The following ST7 variants were observed in gnomAD, a reference collection of about 807,000 sequenced individuals.
ST7 encodes suppression of tumorigenicity 7, also known as suppressor of tumorigenicity 7 protein.
In ST7, 28 loss-of-function variants were observed where a neutral mutation model predicts 78.7. That is an observed-to-expected ratio of 0.36 (90% CI 0.26 to 0.49). The LOEUF (loss-of-function observed/expected upper bound fraction) is 0.49, where lower values mean the gene tolerates loss of function less well. ST7 is among the 20% of genes least tolerant of loss of function. ST7 has a pLI of 0.99. For synonymous variants in ST7, 247 were observed against 249.6 expected (o/e 0.99, Z 0.10); for missense variants, 418 against 696.0 (o/e 0.60, Z 4.49).
chr7:117,071,517 T>A (rs1420649549), intron 1 of ST7, among the ~76,000 whole-genome samples: 1 of 152,246 alleles, frequency 6.6e-6, no homozygotes, highest in Non-Finnish European at 1.5e-5. Context: ...GTTTTTATTC[T>A]TCAAAGACAC....
chr7:117,020,752 T>A, intron 1 of ST7: 1 of 1,368,572 alleles, frequency 7.3e-7, no homozygotes, highest in Non-Finnish European at 1.0e-6. Flanking sequence ...TGGCTCTAAT[T>A]ACAAAGGAAT....
At chr7:117,051,299 A>C (rs910396224) in intron 1 of ST7, among the ~76,000 whole-genome samples, 2 of 152,220 alleles carry the variant, frequency 1.3e-5, no homozygotes, top group Admixed American at 1.3e-4. Context: ...ATCTAGGCTA[A>C]TTGGTCTCTT....
intron 1 of ST7, among the ~76,000 whole-genome samples, chr7:116,986,957 T>C (rs1213527457): frequency 6.6e-6 from 1 of 152,178 alleles, no homozygotes; most frequent in Non-Finnish European, 1.5e-5. Flanking sequence ...GGCCTTTAAG[T>C]GAGAATTCAT....
At position 117,193,849 on chromosome 7, in the gene ST7, C is replaced by G. The variant is rs555557560; in HGVS notation, c.1254+2913C>G. On this transcript the variant is annotated intron_variant, in intron 12 of 15. Transcript: ENST00000323984. The stretch of plus-strand genomic sequence containing the variant: ...GAGAAAAAAATACCAAATATAATAA[C>G]TGAGAACTGACTTCCTTGCATTTCC... Among the ~76,000 whole-genome samples, 6 of 152,342 alleles carry G rather than the reference C, an allele frequency of 3.9e-5. No individual in the cohort carries two copies. In the South Asian group the frequency reaches 1.2e-3, roughly 32 times the overall value.
chr7:117,081,534 T>A (rs1173745203), intron 1 of ST7, among the ~76,000 whole-genome samples: 2 of 152,234 alleles, frequency 1.3e-5, no homozygotes, highest in East Asian at 3.8e-4. Flanking sequence ...ATTTCATTCA[T>A]CTTTTTACTA....
Position 117,221,946 on chromosome 7 carries a change from C to G in ST7, c.1522C>G (p.Pro508Ala). 1.2e-6 allele frequency: 2 copies of G among 1,611,430 alleles called. No homozygotes were observed. The highest frequency in any genetic ancestry group is 1.7e-6 in the Non-Finnish European group (2 of 1,178,984). The change falls in exon 15 of 16, where the codon CCA becomes GCA. Residue 508 changes from proline to alanine, a missense_variant. This residue lies in a region of ST7 where 288 missense variants were observed against 537.1 expected (regional missense o/e 0.54). Coordinates refer to ENST00000323984, the MANE Select transcript of ST7 (RefSeq NM_001369598.1). The part of the protein sequence containing the change: ...LPSFHEVSVY[P>A]KKELPFFILF... ...AGCTTTCCATGAAGTCTCAGTTTAC[C>G]CAAAGAAGGAGCTTCCCTTCTTTAT... is the stretch of plus-strand genomic sequence containing the variant.
intron 9 of ST7, among the ~76,000 whole-genome samples, chr7:117,165,265 T>A (rs1470344852): frequency 2.6e-5 from 4 of 152,152 alleles, no homozygotes; most frequent in East Asian, 3.9e-4. Flanking sequence ...GTCCTTTCTT[T>A]AGTATCCCTA....
At chr7:117,079,708 A>G (rs892390685) in intron 1 of ST7, among the ~76,000 whole-genome samples, 3 of 152,202 alleles carry the variant, frequency 2.0e-5, no homozygotes, top group African/African-American at 7.2e-5. Context: ...TTACCAAAAT[A>G]AAACAAGTGT....
chr7:117,052,895 A>G (rs1249432415), intron 1 of ST7, among the ~76,000 whole-genome samples: 1 of 152,224 alleles, frequency 6.6e-6, no homozygotes, highest in Non-Finnish European at 1.5e-5. Context: ...TTACATCTCA[A>G]AAAACAAAAA....
intron 1 of ST7, among the ~76,000 whole-genome samples, chr7:117,038,789 C>T (rs534906465): frequency 2.6e-5 from 4 of 152,116 alleles, no homozygotes; most frequent in East Asian, 3.9e-4. Flanking sequence ...ATTTAGTGAA[C>T]GTTTCTAGCT....
chr7:117,203,865 C>T (rs943807521), intron 12 of ST7, among the ~76,000 whole-genome samples: 1 of 152,158 alleles, frequency 6.6e-6, no homozygotes, highest in African/African-American at 2.4e-5. Context: ...AAGGATCCTT[C>T]CATATCCATG....
intron 1 of ST7, among the ~76,000 whole-genome samples, chr7:116,968,950 A>G (rs1793278411): frequency 6.6e-6 from 1 of 152,210 alleles, no homozygotes; most frequent in Non-Finnish European, 1.5e-5. Context: ...CATTAAAAAT[A>G]ATTGAAATTC....
rs1171591825 is a variant in ST7 at position 117,170,948 on chromosome 7, T to C, written c.1050T>C (p.Asp350=). Residue 350 remains aspartate (D), a synonymous_variant, in exon 10 of 16, where the codon GAT becomes GAC. Coordinates refer to ENST00000323984, the MANE Select transcript of ST7 (RefSeq NM_001369598.1). ...TTCTGGAACTACAAGCATATGCTGA[T>C]GTTCAGGCAGTCTTAGCAAAGTATG... is the stretch of plus-strand genomic sequence containing the variant. ...EALLELQAYA[D]VQAVLAKYDD... The C allele has an allele frequency of 6.2e-7, 1 of 1,611,842 alleles. No individual in the cohort carries two copies. Among genetic ancestry groups the C allele is most frequent in the Non-Finnish European group, 8.5e-7 (1 of 1,178,658 alleles).
chr7:117,209,716 G>T, intron 12 of ST7, 71 bp from the exon 13 acceptor site: 1 of 1,532,340 alleles, frequency 6.5e-7, no homozygotes, highest in Non-Finnish European at 8.8e-7. Flanking sequence ...GAAATCAACT[G>T]CTCTATTTTC....
intron 1 of ST7, among the ~76,000 whole-genome samples, chr7:116,963,622 T>C (rs1792943058): frequency 1.3e-5 from 2 of 151,394 alleles, no homozygotes; most frequent in South Asian, 4.2e-4. Context: ...TAACTTTGGT[T>C]CTTTTTTTTC....
At chr7:117,163,578 C>T (rs1807321220) in intron 9 of ST7, among the ~76,000 whole-genome samples, 1 of 151,876 alleles carries the variant, frequency 6.6e-6, no homozygotes, top group South Asian at 2.1e-4. Flanking sequence ...ATTTGTTGGC[C>T]ATTTGTATGT....
In ST7 at chr7:117,219,010, A is replaced by C; in HGVS notation, c.1406-74A>C. ...GTGTTCCCTGTTATAAAAATGCTCA[A>C]ACGCCCCTTTTTGCAGTTGGGAAGT... On this transcript the variant is annotated intron_variant, in intron 13 of 15. Transcript: ENST00000323984. This position sits in a 1 kb window ranked among gnomAD's most constrained non-coding sequence, Gnocchi z 5.1. 1 of 1,234,304 alleles carries C rather than the reference A, an allele frequency of 8.1e-7. No homozygotes were observed. The highest frequency in any genetic ancestry group is 1.3e-5 in the South Asian group (1 of 74,596). 76.5% of individuals were successfully genotyped at this position (1,234,304 alleles called of 1,614,324 possible). A position where few individuals can be genotyped will look rare whatever the true frequency, so the allele number is the denominator to read the frequency against.
intron 1 of ST7, chr7:117,081,172 A>G (rs2116610119): frequency 6.6e-6 from 1 of 152,294 alleles, no homozygotes. Flanking sequence ...AATGTTGATT[A>G]AAACAATAGT....
intron 1 of ST7, among the ~76,000 whole-genome samples, chr7:117,057,319 AC>A (rs1031006854): frequency 9.9e-5 from 15 of 152,128 alleles, no homozygotes; most frequent in African/African-American, 3.6e-4. Flanking sequence ...CCAGTATAAA[AC>A]TAAAACTAGA....
Sources: allele counts gnomAD v4.1 joint callset (sites outside exome capture counted in the v4.1 genomes callset), GRCh38; gene constraint gnomAD v4.1.1; regional missense constraint gnomAD v4.1.1; non-coding constraint Gnocchi (gnomAD v3.1); transcripts MANE v1.5; gene names NCBI Gene and HGNC (gene_info 2026-07-23, HGNC 2026-07-21).